LAMC2: variants seen among roughly 807,000 people sequenced by gnomAD.
LAMC2 encodes laminin subunit gamma 2, also known as laminin subunit gamma-2.
Under a neutral mutation model 140.2 loss-of-function variants are expected in LAMC2, and 97 were observed. The observed-to-expected ratio is 0.69, with a 90% CI of 0.59 to 0.82. The LOEUF (loss-of-function observed/expected upper bound fraction) is 0.82, where lower values mean the gene tolerates loss of function less well. LAMC2 is among the 40% of genes least tolerant of loss of function. LAMC2 has a pLI of 0.00. For missense variants in LAMC2, 1,402 were observed against 1,476.1 expected, an observed-to-expected ratio of 0.95 and a Z score of 0.82; for synonymous variants, 513 against 540.2, an observed-to-expected ratio of 0.95 and a Z score of 0.70.
chr1:183,186,688 T>A (rs1452145173), intron 1 of LAMC2, among the ~76,000 whole-genome samples: 2 of 152,224 alleles, frequency 1.3e-5, no homozygotes, highest in Non-Finnish European at 2.9e-5. Context: ...TTAAAAATGT[T>A]CCTTCTTGAT....
In LAMC2 at chr1:183,223,118, A is replaced by C. The variant is rs776543991; in HGVS notation, c.764-17A>C. ...GTTTCACAACTGATCTCAATCTTTT[A>C]AAACTCTGTTTCACAGCCAAATTTC... On this transcript the variant is annotated splice_polypyrimidine_tract_variant and intron_variant, in intron 6 of 22. Coordinates refer to ENST00000264144, the MANE Select transcript of LAMC2 (RefSeq NM_005562.3). 1 of 1,612,650 alleles carries C rather than the reference A, an allele frequency of 6.2e-7. No individual in the cohort carries two copies. The highest frequency in any genetic ancestry group is 1.1e-5 in the South Asian group (1 of 91,044).
the LAMC2 span, chr1:183,252,340 C>T: frequency 8.7e-6 from 3 of 344,536 alleles, no homozygotes; most frequent in Non-Finnish European, 1.6e-5. Context: ...GCACCAGAGC[C>T]GCCTCTCTAG....
intron 1 of LAMC2, among the ~76,000 whole-genome samples, chr1:183,187,301 A>C (rs947563031): frequency 8.5e-5 from 13 of 152,378 alleles, no homozygotes; most frequent in Non-Finnish European, 1.8e-4. Flanking sequence ...GCTCACATGC[A>C]CATGCAATTG....
At chr1:183,225,490 C>G (rs1659597736) in intron 7 of LAMC2, 118 bp from the exon 8 acceptor site, 6 of 766,932 alleles carry the variant, frequency 7.8e-6, no homozygotes, top group Admixed American at 1.8e-5. Flanking sequence ...TCCTATGCCC[C>G]CTTCTAAGCA....
the LAMC2 span, among the ~76,000 whole-genome samples, chr1:183,253,599 A>C: frequency 6.6e-6 from 1 of 151,640 alleles, no homozygotes; most frequent in Non-Finnish European, 1.5e-5. Context: ...TGCCCTCCAC[A>C]CTTGACCCTG....
At chr1:183,224,529 G>A (rs1659570004) in intron 7 of LAMC2, among the ~76,000 whole-genome samples, 2 of 152,174 alleles carry the variant, frequency 1.3e-5, no homozygotes, top group African/African-American at 4.8e-5. Flanking sequence ...TCCTTAACTG[G>A]ACCATCAGAA....
chr1:183,226,732 A>G lies in LAMC2; in HGVS notation c.1101A>G (p.Ser367=), dbSNP rs759535585. The part of the protein sequence containing the change: ...TGYIDNVTLI[S]ARPVSGAPAP... ...ACATTGACAATGTGACCCTGATTTC[A>G]GCCCGCCCTGTCTCTGGAGCCCCAG... Residue 367 remains serine (S), a synonymous_variant, in exon 9 of 23, where the codon TCA becomes TCG. Transcript: ENST00000264144. The G allele has an allele frequency of 1.5e-5, 24 of 1,614,120 alleles. No homozygotes were observed. In the East Asian group the frequency reaches 3.1e-4, roughly 21 times the overall value.
chr1:183,239,645 A>T, intron 20 of LAMC2, 82 bp downstream of exon 20: 1 of 1,250,034 alleles, frequency 8.0e-7, no homozygotes, highest in Non-Finnish European at 1.1e-6. Context: ...CATTGAGCTT[A>T]TTTTAACCTC....
chr1:183,226,734 C>G lies in LAMC2; in HGVS notation c.1103C>G (p.Ala368Gly). ...GYIDNVTLISARPVSGAPAPW... is the reference protein window; with the variant it reads ...GYIDNVTLISGRPVSGAPAPW... ...ATTGACAATGTGACCCTGATTTCAG[C>G]CCGCCCTGTCTCTGGAGCCCCAGCA... Residue 368 changes from alanine (A) to glycine (G), a missense_variant, in exon 9 of 23, where the codon GCC (alanine) becomes GGC (glycine). This residue lies in a region of LAMC2 where 723 missense variants were observed against 783.3 expected (regional missense o/e 0.92). Coordinates refer to ENST00000264144, the MANE Select transcript of LAMC2 (RefSeq NM_005562.3). The G allele has an allele frequency of 6.2e-7, 1 of 1,614,242 alleles. No individual in the cohort carries two copies. Among genetic ancestry groups the G allele is most frequent in the South Asian group, 1.1e-5 (1 of 91,082 alleles).
intron 7 of LAMC2, 41 bp downstream of exon 7, chr1:183,223,365 A>T: frequency 6.5e-7 from 1 of 1,547,166 alleles, no homozygotes; most frequent in Non-Finnish European, 8.9e-7. Context: ...AGAGCAAACT[A>T]TGATTGAAGT....
At chr1:183,190,448 G>A (rs138619077) in intron 1 of LAMC2, among the ~76,000 whole-genome samples, 153 of 152,022 alleles carry the variant, frequency 1.0e-3, no homozygotes, top group African/African-American at 3.5e-3. Flanking sequence ...CCCAAAGCAG[G>A]TTGCAGTTTC....
chr1:183,196,294 C>T (rs934654467), intron 1 of LAMC2, among the ~76,000 whole-genome samples: 5 of 152,080 alleles, frequency 3.3e-5, no homozygotes, highest in African/African-American at 1.2e-4. Flanking sequence ...TGTGCCACCA[C>T]GCCCAGCTAA....
intron 1 of LAMC2, 31 bp from the exon 2 acceptor site, chr1:183,207,850 T>TTTTC: frequency 6.4e-7 from 1 of 1,568,792 alleles, no homozygotes. Flanking sequence ...TTTTTTTTTT[T>TTTTC]GACGATCTCT....
At chr1:183,200,295 C>T (rs971008535) in intron 1 of LAMC2, among the ~76,000 whole-genome samples, 1 of 151,894 alleles carries the variant, frequency 6.6e-6, no homozygotes, top group African/African-American at 2.4e-5. Flanking sequence ...GAGGCTGAGG[C>T]AGGAGAATCA....
chr1:183,228,901 G>A lies in LAMC2; in HGVS notation c.1714+282G>A, dbSNP rs1361323548. On this transcript the variant is annotated intron_variant, in intron 11 of 22. Transcript: ENST00000264144. This position sits in a 1 kb window ranked among gnomAD's most constrained non-coding sequence, Gnocchi z 4.3. ...TACGCGGAAAAGGATGTAACACGGG[G>A]CCACATCCTATGCCCAATCCCAAGG... Among the ~76,000 whole-genome samples the A allele has an allele frequency of 6.6e-6, 1 of 152,176 alleles. No homozygotes were observed. Among genetic ancestry groups the A allele is most frequent in the Non-Finnish European group, 1.5e-5 (1 of 68,036 alleles).
At position 183,193,483 on chromosome 1, in the gene LAMC2, C is replaced by T. The variant is rs916566922; in HGVS notation, c.79+7052C>T. Among the ~76,000 whole-genome samples, 14 of 145,842 alleles carry T rather than the reference C, an allele frequency of 9.6e-5. No individual in the cohort carries two copies. The East Asian group carries it at 2.1e-3, about 22-fold the overall frequency. On this transcript the variant is annotated intron_variant, in intron 1 of 22. Coordinates refer to ENST00000264144, the MANE Select transcript of LAMC2 (RefSeq NM_005562.3). ...TTCAGAAAGAGGTCTGTTTCATGGC[C>T]AGAATGTTGACCATGTAAGCTTTAT...
intron 1 of LAMC2, among the ~76,000 whole-genome samples, chr1:183,199,797 T>C (rs1226196415): frequency 6.6e-6 from 1 of 151,884 alleles, no homozygotes; most frequent in African/African-American, 2.4e-5. Context: ...TACCTGGAAA[T>C]AGATTTAGGG....
rs764996231 is a variant in LAMC2, at chr1:183,228,392, G to C, written c.1487G>C (p.Cys496Ser). The C allele has an allele frequency of 6.2e-7, 1 of 1,614,130 alleles. No homozygotes were observed. Among genetic ancestry groups the C allele is most frequent in the Non-Finnish European group, 8.5e-7 (1 of 1,180,026 alleles). ...PGVTGARCEL[C>S]ADGYFGDPFG... is the part of the protein sequence containing the mutation. Reference sequence around the variant, plus strand: ...TTCCCAGGTGCCCGCTGTGAGCTCTGTGCTGATGGCTACTTTGGGGACCCC... The same window carrying C: ...TTCCCAGGTGCCCGCTGTGAGCTCTCTGCTGATGGCTACTTTGGGGACCCC... The change falls in exon 11 of 23, where the codon TGT becomes TCT. Residue 496 changes from cysteine to serine, a missense_variant. Physicochemically the swap from Cys to Ser is moderately radical, Grantham distance 112. Transcript: ENST00000264144. The surrounding 1 kb of genome is among the most constrained non-coding windows in gnomAD (Gnocchi z 4.3).
chr1:183,232,374 A>G, intron 13 of LAMC2, 31 bp downstream of exon 13: 1 of 1,612,786 alleles, frequency 6.2e-7, no homozygotes, highest in Admixed American at 1.7e-5. Context: ...TTCAGACAGA[A>G]GAGAATTCAT....
Sources: gnomAD v4.1 joint callset for allele counts (sites outside exome capture counted in the v4.1 genomes callset) on GRCh38, gnomAD v4.1.1 for gene constraint, gnomAD v4.1.1 regional missense constraint, Gnocchi (gnomAD v3.1) non-coding constraint, MANE v1.5 for transcripts, NCBI Gene and HGNC (gene_info 2026-07-23, HGNC 2026-07-21) for gene names.